Variants in KPNA2 observed in about 807,000 individuals in gnomAD.
The protein encoded by KPNA2 is karyopherin subunit alpha 2.
Under a neutral mutation model 53.7 loss-of-function variants are expected in KPNA2, and 20 were observed. The ratio of observed to expected loss-of-function variants is 0.37; its 90% confidence interval spans 0.26 to 0.54. KPNA2 has a LOEUF of 0.54. Among genes scored for constraint, KPNA2 ranks in the 20% least tolerant of loss-of-function variants. The probability of loss-of-function intolerance (pLI) is 0.83; values close to 1 mark genes in which losing one functional copy is unlikely to be tolerated. For synonymous variants in KPNA2, 238 were observed against 227.5 expected (o/e 1.05, Z -0.42); for missense variants, 515 against 640.3 (o/e 0.80, Z 2.11).
Position 68,043,148 on chromosome 17 carries a change from A to G in KPNA2, c.715A>G (p.Asn239Asp), listed in dbSNP as rs782735381. The G allele has an allele frequency of 6.2e-7, 1 of 1,614,134 alleles. No homozygotes were observed. Among genetic ancestry groups the G allele is most frequent in the Admixed American group, 1.7e-5 (1 of 60,004 alleles). ...CTGGACACTTTCTAATCTTTGCCGC[A>G]ACAAGAATCCTGCACCCCCGATAGA... ...LTWTLSNLCR[N>D]KNPAPPIDAV... is the part of the protein sequence containing the mutation. Residue 239 changes from asparagine (N) to aspartate (D), a missense_variant, in exon 7 of 11, where the codon AAC becomes GAC. Physicochemically the swap from Asn to Asp is conservative, Grantham distance 23. Coordinates refer to ENST00000330459, the MANE Select transcript of KPNA2 (RefSeq NM_002266.4).
chr17:68,042,232 G>A lies in KPNA2; in HGVS notation c.450G>A (p.Gly150=), dbSNP rs782801410. The change falls in exon 5 of 11, where the codon GGG becomes GGA. Residue 150 remains glycine, a synonymous_variant. Transcript: ENST00000330459. ...SAWALTNIAS[G]TSEQTKAVVD... Reference sequence around the variant, plus strand: ...GGGCACTCACTAACATTGCTTCTGGGACATCAGAACAAACCAAGGCTGTGG... The same window carrying A: ...GGGCACTCACTAACATTGCTTCTGGAACATCAGAACAAACCAAGGCTGTGG... 6.2e-7 allele frequency: 1 copy of A among 1,614,104 alleles called. No homozygotes were observed. The highest frequency in any genetic ancestry group is 8.5e-7 in the Non-Finnish European group (1 of 1,180,004).
Position 68,042,989 on chromosome 17 carries a change from C to T in KPNA2, c.656C>T (p.Ser219Leu), listed in dbSNP as rs1269451550. Reference protein sequence around the residue: ...LLALLAVPDMSSLACGYLRNL... With the variant: ...LLALLAVPDMLSLACGYLRNL... ...GCTCTCCTTGCAGTTCCTGATATGT[C>T]ATCTTTAGCAGTAAGTTACTAACAT... Residue 219 changes from serine to leucine, a missense_variant, in exon 6 of 11, where the codon TCA (serine) becomes TTA (leucine). Coordinates refer to ENST00000330459, the MANE Select transcript of KPNA2 (RefSeq NM_002266.4). 1.2e-6 allele frequency: 2 copies of T among 1,612,698 alleles called. No homozygotes were observed. Among genetic ancestry groups the T allele is most frequent in the African/African-American group, 1.3e-5 (1 of 74,772 alleles).
At chr17:68,045,090 T>TA (rs554471695) in intron 9 of KPNA2, among the ~76,000 whole-genome samples, 35,919 of 130,286 alleles carry the variant, frequency 0.28, 5,239 homozygotes, top group East Asian at 0.71. Flanking sequence ...GAAACTGTCT[T>TA]AAAAAAAAAA....
chr17:68,040,061 T>G (rs1306083821), intron 3 of KPNA2, among the ~76,000 whole-genome samples: 9 of 151,104 alleles, frequency 6.0e-5, no homozygotes, highest in Non-Finnish European at 8.8e-5. Flanking sequence ...GCCTGGGGAT[T>G]GAGTGAAACT....
chr17:68,036,998 T>C, intron 1 of KPNA2, 112 bp from the exon 2 acceptor site: 1 of 754,848 alleles, frequency 1.3e-6, no homozygotes, highest in Non-Finnish European at 2.3e-6. Context: ...ATCCCCCCTC[T>C]AGTATACAGG....
At position 68,040,388 on chromosome 17, in the gene KPNA2, C is replaced by T. The variant is rs377753950; in HGVS notation, c.214-290C>T. ...AGGCTTACAGGTGTGAGCCACCATG[C>T]CTGTCCTTCTCGTTCATTTTTTAAA... On this transcript the variant is annotated intron_variant, in intron 3 of 10. Coordinates refer to ENST00000330459, the MANE Select transcript of KPNA2 (RefSeq NM_002266.4). 7.6e-4 allele frequency among the ~76,000 whole-genome samples: 116 copies of T among 151,846 alleles called. No individual in the cohort carries two copies. The South Asian group carries it at 0.021, about 28-fold the overall frequency.
chr17:68,040,827 T>TTG (rs1555704486), intron 4 of KPNA2, 61 bp downstream of exon 4: 292 of 767,488 alleles, frequency 3.8e-4, no homozygotes, highest in Non-Finnish European at 4.6e-4. Context: ...GATTTTTTTT[T>TTG]GGGGGGTGGG....
chr17:68,037,534 C>G (rs1555703958), intron 3 of KPNA2, 39 bp downstream of exon 3: 1 of 1,587,310 alleles, frequency 6.3e-7, no homozygotes, highest in African/African-American at 1.3e-5. Flanking sequence ...ACGTGAAATC[C>G]AGAAAATCAG....
At position 68,042,319 on chromosome 17, in the gene KPNA2, T is replaced by C; in HGVS notation, c.537T>C (p.Ser179=). 1.2e-6 allele frequency: 2 copies of C among 1,614,220 alleles called. No homozygotes were observed. Among genetic ancestry groups the C allele is most frequent in the Non-Finnish European group, 8.5e-7 (1 of 1,180,036 alleles). The change falls in exon 5 of 11, where the codon AGT becomes AGC. Residue 179 remains serine (S), a synonymous_variant. Coordinates refer to ENST00000330459, the MANE Select transcript of KPNA2 (RefSeq NM_002266.4). The part of the protein sequence containing the change: ...SLLASPHAHI[S]EQAVWALGNI... ...TGGCATCTCCCCATGCTCACATCAGTGAACAAGCTGTCTGGGCTCTAGGAA... is the reference window on the plus strand; with the variant it reads ...TGGCATCTCCCCATGCTCACATCAGCGAACAAGCTGTCTGGGCTCTAGGAA...
At chr17:68,040,260 AT>A (rs782418464) in intron 3 of KPNA2, among the ~76,000 whole-genome samples, 2,506 of 117,938 alleles carry the variant, frequency 0.021, 28 homozygotes, top group African/African-American at 0.068. Flanking sequence ...ATGCCTGGAT[AT>A]TTTTTTTTTT....
In KPNA2 at chr17:68,040,660, C is replaced by G; in HGVS notation, c.214-18C>G. 2 of 1,550,058 alleles carry G rather than the reference C, an allele frequency of 1.3e-6. No individual in the cohort carries two copies. Among genetic ancestry groups the G allele is most frequent in the African/African-American group, 1.4e-5 (1 of 73,586 alleles). On this transcript the variant is annotated intron_variant, in intron 3 of 10. Transcript: ENST00000330459. ...TTTAATCTTAATGATAATGTGCAAA[C>G]TTTCACTTTTCTTCTAGGGCACTGT...
intron 4 of KPNA2, 93 bp downstream of exon 4, chr17:68,040,859 G>A (rs563265836): frequency 6.5e-6 from 5 of 772,830 alleles, no homozygotes; most frequent in African/African-American, 5.2e-5. Context: ...CAGACAGATA[G>A]TACAAGGAAA....
Position 68,042,124 on chromosome 17 carries a change from C to G in KPNA2, c.342C>G (p.Asn114Lys), listed in dbSNP as rs782014989. 1.2e-6 allele frequency: 2 copies of G among 1,613,980 alleles called. No individual in the cohort carries two copies. The highest frequency in any genetic ancestry group is 4.5e-5 in the East Asian group (2 of 44,892). ...LSREKQPPID[N>K]IIRAGLIPKF... is the part of the protein sequence containing the mutation. Reference sequence around the variant, plus strand: ...GAGAAAAACAGCCCCCCATAGACAACATAATCCGGGCTGGTTTGATTCCGA... The same window carrying G: ...GAGAAAAACAGCCCCCCATAGACAAGATAATCCGGGCTGGTTTGATTCCGA... The change falls in exon 5 of 11, where the codon AAC becomes AAG. Residue 114 changes from asparagine (N) to lysine (K), a missense_variant. Transcript: ENST00000330459.
intron 4 of KPNA2, among the ~76,000 whole-genome samples, chr17:68,041,616 C>T (rs559807147): frequency 7.2e-5 from 11 of 151,938 alleles, no homozygotes; most frequent in Non-Finnish European, 1.5e-4. Flanking sequence ...GTCCCAGCTA[C>T]TAAGGAGGCT....
intron 4 of KPNA2, 55 bp downstream of exon 4, chr17:68,040,821 T>G: frequency 9.1e-7 from 1 of 1,093,780 alleles, no homozygotes. Flanking sequence ...TTTTTAGATT[T>G]TTTTTTGGGG....
At position 68,040,260 on chromosome 17, in the gene KPNA2, A is replaced by ATT. The variant is rs782418464; in HGVS notation, c.214-397_214-396dup. 4.0e-3 allele frequency among the ~76,000 whole-genome samples: 468 copies of ATT among 117,948 alleles called. 1 individual carries two copies. Among genetic ancestry groups the ATT allele is most frequent in the African/African-American group, 5.2e-3 (159 of 30,468 alleles). The allele number at this position is 117,948 out of a possible 152,430, so 77.4% of individuals were successfully genotyped here. Reference sequence around the variant, plus strand: ...CAGGCAAACACCACCATGCCTGGATATTTTTTTTTTTTTTTTTTTTTTGTT... The same window carrying ATT: ...CAGGCAAACACCACCATGCCTGGATATTTTTTTTTTTTTTTTTTTTTTTTGTT... On this transcript the variant is annotated intron_variant, in intron 3 of 10. Transcript: ENST00000330459.
intron 3 of KPNA2, among the ~76,000 whole-genome samples, chr17:68,039,747 T>A (rs895740928): frequency 1.3e-5 from 2 of 149,320 alleles, no homozygotes; most frequent in Non-Finnish European, 3.0e-5. Context: ...GCCATTGCAC[T>A]CCAGCCTGGG....
chr17:68,042,796 G>A (rs1163105195), intron 5 of KPNA2, 109 bp from the exon 6 acceptor site: 20 of 803,172 alleles, frequency 2.5e-5, no homozygotes, highest in Non-Finnish European at 3.7e-5. Context: ...CCCAGGAGGC[G>A]GAGCTTGCAG....
chr17:68,040,663 T>A lies in KPNA2; in HGVS notation c.214-15T>A. Reference sequence around the variant, plus strand: ...AATCTTAATGATAATGTGCAAACTTTCACTTTTCTTCTAGGGCACTGTAAA... The same window carrying A: ...AATCTTAATGATAATGTGCAAACTTACACTTTTCTTCTAGGGCACTGTAAA... On this transcript the variant is annotated splice_polypyrimidine_tract_variant and intron_variant, in intron 3 of 10. Transcript: ENST00000330459. 6.4e-7 allele frequency: 1 copy of A among 1,564,416 alleles called. No individual in the cohort carries two copies. The highest frequency in any genetic ancestry group is 8.8e-7 in the Non-Finnish European group (1 of 1,137,508).
Sources: allele counts gnomAD v4.1 joint callset (sites outside exome capture counted in the v4.1 genomes callset), GRCh38; gene constraint gnomAD v4.1.1; transcripts MANE v1.5; gene names NCBI Gene and HGNC (gene_info 2026-07-23, HGNC 2026-07-21).